Variants in TLCD4 observed in about 807,000 individuals in gnomAD.
TLCD4 encodes the protein TLC domain-containing protein 4.
TLCD4 carries 7 observed loss-of-function variants against 24.2 expected under a neutral mutation model. That is an observed-to-expected ratio of 0.29 (90% CI 0.16 to 0.54). The LOEUF (loss-of-function observed/expected upper bound fraction) is 0.54. Ranked by LOEUF, TLCD4 falls within the 20% of genes least tolerant of loss-of-function variation. The pLI, the probability that TLCD4 is intolerant of heterozygous loss-of-function variation, is 0.95. For synonymous variants in TLCD4, 103 were observed against 106.4 expected, an observed-to-expected ratio of 0.97 and a Z score of 0.20; for missense variants, 259 against 313.9, an observed-to-expected ratio of 0.82 and a Z score of 1.32.
At chr1:95,142,646 A>C (rs562457849) in intron 1 of TLCD4, among the ~76,000 whole-genome samples, 2 of 152,126 alleles carry the variant, frequency 1.3e-5, no homozygotes, top group African/African-American at 4.8e-5. Flanking sequence ...ACCCCATGCA[A>C]ATGAAGTAGT....
chr1:95,127,721 T>C (rs1676777346), intron 1 of TLCD4, among the ~76,000 whole-genome samples: 3 of 152,224 alleles, frequency 2.0e-5, no homozygotes, highest in Admixed American at 2.0e-4. Context: ...CTTCAGGGAC[T>C]CTTCCTAGCA....
intron 1 of TLCD4, among the ~76,000 whole-genome samples, chr1:95,120,512 G>C (rs1391954208): frequency 6.6e-6 from 1 of 152,218 alleles, no homozygotes; most frequent in African/African-American, 2.4e-5. Flanking sequence ...ACATTGGTCT[G>C]TTCACGGAGA....
chr1:95,181,965 G>A (rs1678662429), intron 6 of TLCD4, among the ~76,000 whole-genome samples: 1 of 152,002 alleles, frequency 6.6e-6, no homozygotes, highest in Admixed American at 6.6e-5. Context: ...ATCATGTCTT[G>A]GTCATTGGGA....
the TLCD4 span, among the ~76,000 whole-genome samples, chr1:95,111,342 A>AGAAAT: frequency 4.0e-5 from 6 of 151,660 alleles, no homozygotes; most frequent in African/African-American, 7.3e-5. Flanking sequence ...AGAAAAGAAA[A>AGAAAT]GAAATGAAAG....
chr1:95,131,748 T>A (rs889260046), intron 1 of TLCD4, among the ~76,000 whole-genome samples: 2 of 152,214 alleles, frequency 1.3e-5, no homozygotes, highest in African/African-American at 2.4e-5. Flanking sequence ...CAAGGGTGAC[T>A]CCTGGGTTTC....
intron 5 of TLCD4, among the ~76,000 whole-genome samples, chr1:95,171,064 T>G (rs181533743): frequency 3.9e-5 from 6 of 152,300 alleles, no homozygotes; most frequent in Non-Finnish European, 5.9e-5. Context: ...CCCCCTTTTT[T>G]TTAGCCGCAA....
intron 5 of TLCD4, among the ~76,000 whole-genome samples, chr1:95,160,537 T>C (rs796556166): frequency 1.3e-5 from 2 of 152,156 alleles, no homozygotes; most frequent in South Asian, 2.1e-4. Flanking sequence ...GAACTTCCAA[T>C]ACTATGTTGA....
the TLCD4 span, among the ~76,000 whole-genome samples, chr1:95,111,371 C>T: frequency 6.6e-6 from 1 of 150,742 alleles, no homozygotes; most frequent in Non-Finnish European, 1.5e-5. Flanking sequence ...AAAATAATAA[C>T]TGTGTTCTTT....
chr1:95,137,102 G>A (rs1677063899), intron 1 of TLCD4, among the ~76,000 whole-genome samples: 1 of 152,180 alleles, frequency 6.6e-6, no homozygotes, highest in Admixed American at 6.5e-5. Context: ...AAGAGGTTCA[G>A]GTAGTGGGGG....
At chr1:95,185,530 T>C (rs2101016545) in intron 6 of TLCD4, among the ~76,000 whole-genome samples, 1 of 152,338 alleles carries the variant, frequency 6.6e-6, no homozygotes, top group African/African-American at 2.4e-5. Flanking sequence ...CCTTCCAACT[T>C]CGTCACCTCT....
chr1:95,139,909 C>G lies in TLCD4; in HGVS notation c.-11-3982C>G, dbSNP rs531830519. ...ATTACTTTTTTGTTAAAAACGAAGA[C>G]TCAGACACACACATTAGCCTAGGTC... is the stretch of plus-strand genomic sequence containing the variant. On this transcript the variant is annotated intron_variant, in intron 1 of 6. Coordinates refer to ENST00000370203, the MANE Select transcript of TLCD4 (RefSeq NM_152487.3). 7.2e-5 allele frequency among the ~76,000 whole-genome samples: 11 copies of G among 152,224 alleles called. No individual in the cohort carries two copies. In the South Asian group the frequency reaches 2.3e-3, roughly 32 times the overall value.
rs999523647 is a variant in TLCD4, at chr1:95,195,225, T to C, written c.*3357T>C. ...TTTGGAGAATGGTTCTTCACTGGTG[T>C]AGAGAGCCAGGTTTACTGTTGGTTG... On this transcript the variant is annotated 3_prime_UTR_variant, in exon 7 of 7. Coordinates refer to ENST00000370203, the MANE Select transcript of TLCD4 (RefSeq NM_152487.3). 6.6e-6 allele frequency: 1 copy of C among 152,192 alleles called. No individual in the cohort carries two copies. Among genetic ancestry groups the C allele is most frequent in the African/African-American group, 2.4e-5 (1 of 41,448 alleles). 9.4% of individuals were successfully genotyped at this position (152,192 alleles called of 1,614,324 possible).
chr1:95,175,920 C>T (rs963169549), intron 6 of TLCD4, among the ~76,000 whole-genome samples: 2 of 151,606 alleles, frequency 1.3e-5, no homozygotes, highest in African/African-American at 4.8e-5. Context: ...GGGCTATAGG[C>T]ATGTGCCACC....
At chr1:95,172,051 G>C (rs1259527848) in intron 5 of TLCD4, among the ~76,000 whole-genome samples, 2 of 152,220 alleles carry the variant, frequency 1.3e-5, no homozygotes, top group African/African-American at 4.8e-5. Flanking sequence ...AGCTGGCAGA[G>C]AGTCCTAGAA....
At chr1:95,119,348 A>G (rs1056139391) in intron 1 of TLCD4, among the ~76,000 whole-genome samples, 1 of 152,164 alleles carries the variant, frequency 6.6e-6, no homozygotes, top group East Asian at 1.9e-4. Context: ...TCTGATTGCC[A>G]AGGGAAGTCT....
At chr1:95,183,356 C>T (rs1009116370) in intron 6 of TLCD4, among the ~76,000 whole-genome samples, 1 of 151,954 alleles carries the variant, frequency 6.6e-6, no homozygotes, top group Admixed American at 6.6e-5. Flanking sequence ...TCAAAAGTGA[C>T]AGAGAATTAG....
At chr1:95,110,958 T>C in the TLCD4 span, among the ~76,000 whole-genome samples, 3 of 148,632 alleles carry the variant, frequency 2.0e-5, no homozygotes, top group Admixed American at 2.0e-4. Context: ...AATCTAAAAA[T>C]ATCCATAACA....
intron 5 of TLCD4, among the ~76,000 whole-genome samples, chr1:95,162,791 A>G (rs569146593): frequency 1.3e-5 from 2 of 152,278 alleles, no homozygotes; most frequent in Non-Finnish European, 2.9e-5. Flanking sequence ...GAAATTCTGG[A>G]TTGAAAGTTC....
intron 2 of TLCD4, among the ~76,000 whole-genome samples, chr1:95,144,595 G>GA (rs1319757196): frequency 1.4e-5 from 2 of 145,882 alleles, no homozygotes; most frequent in Non-Finnish European, 3.0e-5. Flanking sequence ...TTTCTTTTTA[G>GA]TTTTTTTTTT....
Sources: allele counts gnomAD v4.1 joint callset (sites outside exome capture counted in the v4.1 genomes callset), GRCh38; gene constraint gnomAD v4.1.1; transcripts MANE v1.5; gene names NCBI Gene and HGNC (gene_info 2026-07-23, HGNC 2026-07-21).